Variants in FGGY observed in about 807,000 individuals in gnomAD.
FGGY encodes the protein FGGY carbohydrate kinase domain-containing protein.
FGGY carries 72 observed loss-of-function variants against 71.3 expected under a neutral mutation model. The observed-to-expected ratio is 1.01, with a 90% CI of 0.84 to 1.23. The LOEUF is 1.23. Among genes scored for constraint, FGGY ranks in the 50% most tolerant of loss-of-function variants. The pLI is 0.00. For missense variants in FGGY, 668 were observed against 682.3 expected, an observed-to-expected ratio of 0.98 and a Z score of 0.23; for synonymous variants, 251 against 250.3, an observed-to-expected ratio of 1.00 and a Z score of -0.02.
chr1:59,512,421 G>T lies in FGGY; in HGVS notation c.781G>T (p.Ala261Ser). 1.2e-6 allele frequency: 2 copies of T among 1,613,754 alleles called. No individual in the cohort carries two copies. The highest frequency in any genetic ancestry group is 8.5e-7 in the Non-Finnish European group (1 of 1,179,802). ...TGCGGTCGCAGCTTCACTCATTGATGCCCATGCAGGAGGACTAGGTAATCT... is the reference window on the plus strand; with the variant it reads ...TGCGGTCGCAGCTTCACTCATTGATTCCCATGCAGGAGGACTAGGTAATCT... Reference protein sequence around the residue: ...GIAVAASLIDAHAGGLGVIGA... With the variant: ...GIAVAASLIDSHAGGLGVIGA... The change falls in exon 7 of 16, where the codon GCC becomes TCC. Residue 261 changes from alanine (A) to serine (S), a missense_variant. Around this residue, in one of 2 missense-constraint regions of FGGY, gnomAD observed 661 missense variants for 661.6 expected, o/e 1.00. Coordinates refer to ENST00000303721, the MANE Select transcript of FGGY (RefSeq NM_018291.5).
chr1:59,377,885 G>T (rs1005593915), intron 4 of FGGY, among the ~76,000 whole-genome samples: 5 of 152,156 alleles, frequency 3.3e-5, no homozygotes, highest in African/African-American at 4.8e-5. Flanking sequence ...GCAATACAGA[G>T]AACCAAATCT....
intron 14 of FGGY, among the ~76,000 whole-genome samples, chr1:59,737,219 C>A (rs1418482448): frequency 6.6e-6 from 1 of 152,228 alleles, no homozygotes; most frequent in Admixed American, 6.5e-5. Context: ...GGGACAGGGT[C>A]CTCTTGGAGA....
At chr1:59,756,851 A>G (rs955633378) in intron 14 of FGGY, among the ~76,000 whole-genome samples, 1 of 151,846 alleles carries the variant, frequency 6.6e-6, no homozygotes, top group Admixed American at 6.6e-5. Context: ...ACACTTGGAA[A>G]TGTTTTGAAG....
At chr1:59,367,678 G>A (rs576715678) in intron 4 of FGGY, among the ~76,000 whole-genome samples, 13 of 152,230 alleles carry the variant, frequency 8.5e-5, no homozygotes, top group African/African-American at 2.6e-4. Context: ...TTTCCCTCAC[G>A]AGTTCCCTAG....
intron 1 of FGGY, among the ~76,000 whole-genome samples, chr1:59,304,892 C>G (rs1333652849): frequency 2.6e-5 from 4 of 151,962 alleles, no homozygotes; most frequent in Non-Finnish European, 4.4e-5. Flanking sequence ...AATGCGGCTG[C>G]TTTTTGTTAT....
intron 13 of FGGY, among the ~76,000 whole-genome samples, chr1:59,671,715 G>A (rs1255103730): frequency 6.6e-6 from 1 of 152,202 alleles, no homozygotes; most frequent in African/African-American, 2.4e-5. Flanking sequence ...TATTATAATA[G>A]CAGTTTTAAT....
chr1:59,343,766 A>G (rs2051194051), intron 3 of FGGY, among the ~76,000 whole-genome samples: 1 of 152,172 alleles, frequency 6.6e-6, no homozygotes, highest in African/African-American at 2.4e-5. Flanking sequence ...TAATACAGTA[A>G]TGATTCTGTA....
At chr1:59,389,763 A>C (rs1253586748) in intron 5 of FGGY, among the ~76,000 whole-genome samples, 1 of 152,204 alleles carries the variant, frequency 6.6e-6, no homozygotes, top group Non-Finnish European at 1.5e-5. Context: ...TCTCCTTTAA[A>C]AAAATTATAC....
At chr1:59,509,068 C>T (rs2094459680) in intron 6 of FGGY, among the ~76,000 whole-genome samples, 1 of 152,194 alleles carries the variant, frequency 6.6e-6, no homozygotes, top group African/African-American at 2.4e-5. Flanking sequence ...CTGGGAGGTG[C>T]ATCACCTTGG....
chr1:59,525,741 A>G (rs2094958525), intron 7 of FGGY, among the ~76,000 whole-genome samples: 2 of 152,184 alleles, frequency 1.3e-5, no homozygotes, highest in Admixed American at 6.5e-5. Context: ...CTTCTCTTAT[A>G]GAGCTTCTAT....
intron 14 of FGGY, among the ~76,000 whole-genome samples, chr1:59,701,207 A>G (rs1429874209): frequency 2.0e-5 from 3 of 152,136 alleles, no homozygotes; most frequent in Non-Finnish European, 4.4e-5. Flanking sequence ...AGCCCCACAC[A>G]TTTTTATCTT....
At chr1:59,756,820 T>G (rs2098295539) in intron 14 of FGGY, among the ~76,000 whole-genome samples, 1 of 151,532 alleles carries the variant, frequency 6.6e-6, no homozygotes, top group Admixed American at 6.6e-5. Context: ...CACAGTAAGG[T>G]GGCAAAGATG....
intron 5 of FGGY, among the ~76,000 whole-genome samples, chr1:59,438,894 T>C (rs1363417870): frequency 6.6e-6 from 1 of 152,242 alleles, no homozygotes; most frequent in East Asian, 1.9e-4. Context: ...AGCTTTGTTC[T>C]GGATGAGGCC....
chr1:59,667,915 G>T (rs1232236572), intron 13 of FGGY, among the ~76,000 whole-genome samples: 1 of 152,216 alleles, frequency 6.6e-6, no homozygotes, highest in Non-Finnish European at 1.5e-5. Context: ...CCTAATGGCA[G>T]CTCAGGGCGT....
chr1:59,421,849 T>G (rs553075381), intron 5 of FGGY, among the ~76,000 whole-genome samples: 179 of 152,292 alleles, frequency 1.2e-3, no homozygotes, highest in African/African-American at 4.2e-3. Flanking sequence ...GGTCTGTTTT[T>G]TAAAAACGTT....
intron 8 of FGGY, among the ~76,000 whole-genome samples, chr1:59,600,175 G>A (rs72919607): frequency 0.075 from 11,348 of 152,214 alleles, 737 homozygotes; most frequent in African/African-American, 0.18. Flanking sequence ...GACTAACGTA[G>A]TGGCAATAGT....
chr1:59,357,005 A>G (rs2054456413), intron 4 of FGGY, among the ~76,000 whole-genome samples: 1 of 152,186 alleles, frequency 6.6e-6, no homozygotes, highest in Non-Finnish European at 1.5e-5. Context: ...TGTTTATACC[A>G]GGGCCCTGTA....
intron 5 of FGGY, among the ~76,000 whole-genome samples, chr1:59,420,352 C>A (rs575935567): frequency 5.0e-4 from 76 of 152,220 alleles, no homozygotes; most frequent in Admixed American, 1.7e-3. Context: ...AAAGACTGAC[C>A]CTTGACAAGA....
chr1:59,483,905 A>G (rs1460359289), intron 6 of FGGY, among the ~76,000 whole-genome samples: 6 of 152,170 alleles, frequency 3.9e-5, no homozygotes, highest in African/African-American at 1.4e-4. Context: ...AGATGAAGGA[A>G]GCAGGGGTCT....
Sources: gnomAD v4.1 joint callset for allele counts (sites outside exome capture counted in the v4.1 genomes callset) on GRCh38, gnomAD v4.1.1 for gene constraint, gnomAD v4.1.1 regional missense constraint, MANE v1.5 for transcripts, NCBI Gene and HGNC (gene_info 2026-07-23, HGNC 2026-07-21) for gene names.